ELMO1: variants seen among roughly 807,000 people sequenced by gnomAD.
ELMO1 encodes the protein engulfment and cell motility protein 1.
ELMO1 carries 26 observed loss-of-function variants against 98.9 expected under a neutral mutation model. That is an observed-to-expected ratio of 0.26 (90% CI 0.19 to 0.36). The LOEUF is 0.36. ELMO1 is among the 10% of genes least tolerant of loss of function. ELMO1 has a pLI of 1.00. For synonymous variants in ELMO1, 346 were observed against 346.0 expected (o/e 1.00, Z 0.00); for missense variants, 627 against 935.2 (o/e 0.67, Z 4.30).
chr7:37,161,467 C>A (rs1391042529), intron 13 of ELMO1, among the ~76,000 whole-genome samples: 1 of 152,068 alleles, frequency 6.6e-6, no homozygotes, highest in Non-Finnish European at 1.5e-5. Context: ...GCAAAAGTCC[C>A]CCAAAATATT....
At chr7:37,394,199 A>C (rs1337931791) in intron 1 of ELMO1, among the ~76,000 whole-genome samples, 2 of 152,208 alleles carry the variant, frequency 1.3e-5, no homozygotes, top group Non-Finnish European at 2.9e-5. Context: ...TACTCTTACT[A>C]GAAAGCTACA....
rs563678825 is a variant in ELMO1, at chr7:37,057,712, C to A, written c.1300+38907G>T. On this transcript the variant is annotated intron_variant, in intron 15 of 21. Coordinates refer to ENST00000310758, the MANE Select transcript of ELMO1 (RefSeq NM_014800.11). ...ATGTGCACACACACACACGCACATG[C>A]CCACCATGAATTGACCTCTGGGTTG... Among the ~76,000 whole-genome samples the A allele has an allele frequency of 9.9e-5, 15 of 152,272 alleles. No individual in the cohort carries two copies. In the South Asian group the frequency reaches 2.7e-3, roughly 27 times the overall value.
intron 13 of ELMO1, among the ~76,000 whole-genome samples, chr7:37,145,178 TC>T (rs1787902651): frequency 6.6e-6 from 1 of 152,046 alleles, no homozygotes; most frequent in South Asian, 2.1e-4. Flanking sequence ...CTCTAATAAA[TC>T]CCCAGGTGAT....
chr7:37,150,307 A>G (rs966513236), intron 13 of ELMO1, among the ~76,000 whole-genome samples: 7 of 150,624 alleles, frequency 4.6e-5, no homozygotes, highest in Non-Finnish European at 7.4e-5. Context: ...CAGGCTACAT[A>G]TAACTCTTAG....
intron 16 of ELMO1, chr7:36,919,491 T>C: frequency 2.1e-6 from 1 of 466,538 alleles, no homozygotes; most frequent in South Asian, 1.5e-5. Context: ...TGAAACCTGG[T>C]TCTCTCACTT....
chr7:37,225,568 C>T (rs1174357688), intron 8 of ELMO1, among the ~76,000 whole-genome samples: 2 of 151,864 alleles, frequency 1.3e-5, no homozygotes, highest in South Asian at 2.1e-4. Flanking sequence ...CTCTCTTAAA[C>T]GAAAAACTCG....
intron 4 of ELMO1, among the ~76,000 whole-genome samples, chr7:37,310,445 G>C (rs1355159430): frequency 6.6e-6 from 1 of 152,136 alleles, no homozygotes; most frequent in African/African-American, 2.4e-5. Flanking sequence ...AATGGTATTC[G>C]TGCAATCATA....
intron 13 of ELMO1, among the ~76,000 whole-genome samples, chr7:37,202,634 T>G (rs1792360710): frequency 6.6e-6 from 1 of 152,260 alleles, no homozygotes; most frequent in Non-Finnish European, 1.5e-5. Context: ...CAGTAAGTTA[T>G]AATACTTCCC....
intron 13 of ELMO1, among the ~76,000 whole-genome samples, chr7:37,187,605 T>C (rs533828261): frequency 6.7e-5 from 10 of 149,326 alleles, no homozygotes; most frequent in South Asian, 2.1e-4. Context: ...TTGTTTACTA[T>C]AGATATTACT....
intron 4 of ELMO1, among the ~76,000 whole-genome samples, chr7:37,283,841 C>T (rs1031776155): frequency 9.9e-5 from 15 of 152,218 alleles, no homozygotes; most frequent in African/African-American, 2.7e-4. Context: ...ATGCACCATC[C>T]GTAGGTTGTG....
At chr7:36,868,695 T>A (rs1450108747) in intron 20 of ELMO1, among the ~76,000 whole-genome samples, 1 of 152,206 alleles carries the variant, frequency 6.6e-6, no homozygotes, top group Admixed American at 6.5e-5. Flanking sequence ...AAGCTCTTTA[T>A]ATGTTGGGGC....
At chr7:37,321,648 CG>C (rs1299576802) in intron 2 of ELMO1, among the ~76,000 whole-genome samples, 1 of 128,976 alleles carries the variant, frequency 7.8e-6, no homozygotes, top group African/African-American at 3.0e-5. Context: ...ACTCGGGAGG[CG>C]GAGCTTGCAG....
chr7:37,300,825 A>G (rs1330149722), intron 4 of ELMO1, among the ~76,000 whole-genome samples: 1 of 151,614 alleles, frequency 6.6e-6, no homozygotes, highest in Non-Finnish European at 1.5e-5. Context: ...ATTGATTGGA[A>G]TAGTTTCAGA....
chr7:37,032,205 C>T (rs1794922303), intron 15 of ELMO1, among the ~76,000 whole-genome samples: 1 of 152,148 alleles, frequency 6.6e-6, no homozygotes, highest in Non-Finnish European at 1.5e-5. Context: ...ACTTGCTCTC[C>T]CTTCCTTTTC....
At chr7:37,170,568 C>CTT (rs761306391) in intron 13 of ELMO1, among the ~76,000 whole-genome samples, 1 of 149,916 alleles carries the variant, frequency 6.7e-6, no homozygotes, top group Non-Finnish European at 1.5e-5. Context: ...TTATTTCCTT[C>CTT]TTTGTTTTTC....
intron 15 of ELMO1, among the ~76,000 whole-genome samples, chr7:37,022,161 G>A (rs191823754): frequency 6.6e-6 from 1 of 152,156 alleles, no homozygotes; most frequent in African/African-American, 2.4e-5. Flanking sequence ...TTGTTTTCAT[G>A]TAAGAATATA....
intron 15 of ELMO1, among the ~76,000 whole-genome samples, chr7:37,019,696 T>G (rs189559790): frequency 1.3e-5 from 2 of 152,298 alleles, no homozygotes; most frequent in Admixed American, 6.5e-5. Context: ...TAAATGAAAT[T>G]TAGAGAGACA....
intron 1 of ELMO1, chr7:37,375,545 G>A: frequency 5.8e-6 from 6 of 1,042,986 alleles, no homozygotes; most frequent in Non-Finnish European, 8.9e-6. Flanking sequence ...AGAAGAACCA[G>A]ATTGCCATTT....
At chr7:37,171,285 G>A (rs1390999751) in intron 13 of ELMO1, among the ~76,000 whole-genome samples, 2 of 151,832 alleles carry the variant, frequency 1.3e-5, no homozygotes, top group African/African-American at 4.8e-5. Context: ...GGAGGTGCTG[G>A]GAAATAGTTT....
Sources: gnomAD v4.1 joint callset for allele counts (sites outside exome capture counted in the v4.1 genomes callset) on GRCh38, gnomAD v4.1.1 for gene constraint, MANE v1.5 for transcripts, NCBI Gene and HGNC (gene_info 2026-07-23, HGNC 2026-07-21) for gene names.